EXD3: variants seen among roughly 807,000 people sequenced by gnomAD.
EXD3 encodes the protein exonuclease 3'-5' domain containing 3, also known as exonuclease mut-7 homolog.
Under a neutral mutation model 98.0 loss-of-function variants are expected in EXD3, and 92 were observed. That is an observed-to-expected ratio of 0.94 (90% CI 0.79 to 1.12). EXD3 has a LOEUF of 1.12. EXD3 is among the 50% of genes most tolerant of loss of function. EXD3 has a pLI of 0.00. For missense variants in EXD3, 1,222 were observed against 1,191.6 expected, an observed-to-expected ratio of 1.03 and a Z score of -0.38; for synonymous variants, 569 against 526.0, an observed-to-expected ratio of 1.08 and a Z score of -1.12.
At position 137,351,091 on chromosome 9, in the gene EXD3, G is replaced by T; in HGVS notation, c.1441C>A (p.His481Asn). Reference sequence around the variant, plus strand: ...CCGCCCAGAATCTGCTTCTCCACATGGGCCAGGGCGGGGCAGGACGTGCCC... The same window carrying T: ...CCGCCCAGAATCTGCTTCTCCACATTGGCCAGGGCGGGGCAGGACGTGCCC... ...KLGTSCPALA[H>N]VEKQILGGMD... The change falls in exon 14 of 22, where the codon CAT becomes AAT. Residue 481 changes from histidine (H) to asparagine (N), a missense_variant. Physicochemically the swap from His to Asn is moderately conservative, Grantham distance 68. Coordinates refer to ENST00000340951, the MANE Select transcript of EXD3 (RefSeq NM_017820.5). The T allele has an allele frequency of 6.3e-7, 1 of 1,583,204 alleles. No homozygotes were observed. The highest frequency in any genetic ancestry group is 2.3e-5 in the East Asian group (1 of 43,212).
At chr9:137,386,076 G>A (rs1280190003) in intron 2 of EXD3, among the ~76,000 whole-genome samples, 1 of 151,964 alleles carries the variant, frequency 6.6e-6, no homozygotes, top group Non-Finnish European at 1.5e-5. Flanking sequence ...TGGGTGGGTC[G>A]CTTGAGCCCT....
chr9:137,357,714 A>G (rs1834864568), intron 7 of EXD3, among the ~76,000 whole-genome samples: 1 of 140,228 alleles, frequency 7.1e-6, no homozygotes, highest in Non-Finnish European at 1.5e-5. Flanking sequence ...ATATACATAT[A>G]TATATTATAT....
chr9:137,337,890 C>T (rs1486748253), intron 17 of EXD3, among the ~76,000 whole-genome samples: 1 of 151,896 alleles, frequency 6.6e-6, no homozygotes, highest in Non-Finnish European at 1.5e-5. Flanking sequence ...CGGGTTCATG[C>T]CATTCTCCTG....
chr9:137,324,016 T>C lies in EXD3; in HGVS notation c.2052+74A>G. 1 of 1,537,700 alleles carries C rather than the reference T, an allele frequency of 6.5e-7. No homozygotes were observed. The highest frequency in any genetic ancestry group is 8.8e-7 in the Non-Finnish European group (1 of 1,136,230). ...GCCCCACGGCAAGCTGACCCTGAGG[T>C]GGGGGTGGCCGAGGGGCTGGGGGCT... On this transcript the variant is annotated intron_variant, in intron 18 of 21. Coordinates refer to ENST00000340951, the MANE Select transcript of EXD3 (RefSeq NM_017820.5). The surrounding 1 kb of genome is among the most constrained non-coding windows in gnomAD (Gnocchi z 4.1).
At chr9:137,409,238 G>C (rs1481147000) in intron 1 of EXD3, among the ~76,000 whole-genome samples, 3 of 152,204 alleles carry the variant, frequency 2.0e-5, no homozygotes, top group African/African-American at 7.2e-5. Context: ...CCTCACCATG[G>C]CTGCCCCGAG....
intron 8 of EXD3, among the ~76,000 whole-genome samples, chr9:137,355,880 G>C (rs1834755681): frequency 1.3e-5 from 2 of 152,166 alleles, no homozygotes; most frequent in African/African-American, 4.8e-5. Flanking sequence ...AAGGGGACCT[G>C]GCTTCCCTTG....
At chr9:137,340,342 C>T (rs36117568) in intron 17 of EXD3, among the ~76,000 whole-genome samples, 2,044 of 151,866 alleles carry the variant, frequency 0.013, 20 homozygotes, top group Non-Finnish European at 0.019. Flanking sequence ...CTGGGTGTGG[C>T]GGTGCGTGCC....
At position 137,323,743 on chromosome 9, in the gene EXD3, G is replaced by A. The variant is rs1389099004; in HGVS notation, c.2166C>T (p.Asp722=). Residue 722 remains aspartate, a synonymous_variant, in exon 19 of 22, where the codon GAC becomes GAT. Coordinates refer to ENST00000340951, the MANE Select transcript of EXD3 (RefSeq NM_017820.5). ...KHFNVRVTHA[D]IFSRCQACNC... ...GACCCACCTGGCAGCGGCTGAAGAT[G>A]TCTGCGTGGGTGACACGCACGTTGA... 6.2e-7 allele frequency: 1 copy of A among 1,612,288 alleles called. No individual in the cohort carries two copies. The highest frequency in any genetic ancestry group is 8.5e-7 in the Non-Finnish European group (1 of 1,179,678).
chr9:137,344,333 G>A (rs1458615558), intron 17 of EXD3, among the ~76,000 whole-genome samples: 1 of 152,070 alleles, frequency 6.6e-6, no homozygotes, highest in Non-Finnish European at 1.5e-5. Flanking sequence ...CACCAAAATT[G>A]GTCAGTTGGG....
chr9:137,330,564 TCCAC>T (rs1406548396), intron 17 of EXD3, among the ~76,000 whole-genome samples: 47 of 125,598 alleles, frequency 3.7e-4, no homozygotes, highest in South Asian at 1.1e-3. Context: ...TACACAGGGC[TCCAC>T]AGGAGCTACA....
rs945326315 is a variant in EXD3, at chr9:137,349,663, A to G, written c.1495-132T>C. ...CCTCCACCAGCGGCCCCCACAGCAGAGACGGGGAGAAGGAGCGGACACATC... is the reference window on the plus strand; with the variant it reads ...CCTCCACCAGCGGCCCCCACAGCAGGGACGGGGAGAAGGAGCGGACACATC... On this transcript the variant is annotated intron_variant, in intron 14 of 21. Transcript: ENST00000340951. This position sits in a 1 kb window ranked among gnomAD's most constrained non-coding sequence, Gnocchi z 7.4. The G allele has an allele frequency of 4.1e-6, 4 of 982,316 alleles. No homozygotes were observed. The highest frequency in any genetic ancestry group is 5.7e-6 in the Non-Finnish European group (4 of 704,300). 60.8% of individuals were successfully genotyped at this position (982,316 alleles called of 1,614,324 possible). A position where few individuals can be genotyped will look rare whatever the true frequency, so the allele number is the denominator to read the frequency against.
chr9:137,420,485 A>T (rs1423452933), intron 1 of EXD3, among the ~76,000 whole-genome samples: 1 of 152,200 alleles, frequency 6.6e-6, no homozygotes, highest in Non-Finnish European at 1.5e-5. Context: ...TTGTAACAGG[A>T]CACAATTGGA....
At chr9:137,388,010 C>T (rs899933169) in intron 2 of EXD3, among the ~76,000 whole-genome samples, 6 of 152,210 alleles carry the variant, frequency 3.9e-5, no homozygotes, top group Admixed American at 6.5e-5. Flanking sequence ...GGACCCTGCC[C>T]CTTGGAACCA....
At chr9:137,410,115 G>A (rs1486987371) in intron 1 of EXD3, among the ~76,000 whole-genome samples, 1 of 152,122 alleles carries the variant, frequency 6.6e-6, no homozygotes, top group African/African-American at 2.4e-5. Context: ...GATGAAGGTT[G>A]CAGTGAGCCG....
rs1834113768 is a variant in EXD3 at position 137,349,173 on chromosome 9, C to G, written c.1767G>C (p.Glu589Asp). Residue 589 changes from glutamate (E) to aspartate (D), a missense_variant, in exon 16 of 22, where the codon GAG (glutamate) becomes GAC (aspartate). By Grantham distance (45) the Glu-to-Asp change is conservative. Transcript: ENST00000340951. This position sits in a 1 kb window ranked among gnomAD's most constrained non-coding sequence, Gnocchi z 7.4. ...CGGGTGGCTTCCGTGCCCCTGGTCTCTCTCTGTGCCTGGGCCTCCGGCTCC... is the reference window on the plus strand; with the variant it reads ...CGGGTGGCTTCCGTGCCCCTGGTCTGTCTCTGTGCCTGGGCCTCCGGCTCC... ...LAGSRRPRHR[E>D]RPGARKPPGL... 15 of 1,593,280 alleles carry G rather than the reference C, an allele frequency of 9.4e-6. No individual in the cohort carries two copies. The highest frequency in any genetic ancestry group is 1.1e-5 in the South Asian group (1 of 89,434).
chr9:137,349,067 C>T lies in EXD3; in HGVS notation c.1830+43G>A. The T allele has an allele frequency of 6.5e-7, 1 of 1,542,028 alleles. No homozygotes were observed. The highest frequency in any genetic ancestry group is 2.3e-5 in the East Asian group (1 of 44,090). Reference sequence around the variant, plus strand: ...TTGGTTTATGGACAGGGATCTCCTTCCCCAAGAATGCTGACAAACGGACCC... The same window carrying T: ...TTGGTTTATGGACAGGGATCTCCTTTCCCAAGAATGCTGACAAACGGACCC... On this transcript the variant is annotated intron_variant, in intron 16 of 21. Transcript: ENST00000340951. The surrounding 1 kb of genome is among the most constrained non-coding windows in gnomAD (Gnocchi z 7.4).
At chr9:137,384,983 T>G (rs1481305513) in intron 2 of EXD3, among the ~76,000 whole-genome samples, 1 of 151,876 alleles carries the variant, frequency 6.6e-6, no homozygotes, top group East Asian at 1.9e-4. Flanking sequence ...TCCCAGCTAC[T>G]CGGGAGGCTG....
rs576977941 is a variant in EXD3, at chr9:137,394,851, T to G, written c.55+452A>C. ...CCTCAGTTTAAAAAACTAGGGACCC[T>G]GGAGGCCACCCTGGAACCGCCCGAG... On this transcript the variant is annotated intron_variant, in intron 2 of 21. Coordinates refer to ENST00000340951, the MANE Select transcript of EXD3 (RefSeq NM_017820.5). 1.5e-4 allele frequency among the ~76,000 whole-genome samples: 23 copies of G among 152,302 alleles called. No homozygotes were observed. In the South Asian group the frequency reaches 4.3e-3, roughly 29 times the overall value.
At chr9:137,412,172 G>A (rs538625424) in intron 1 of EXD3, among the ~76,000 whole-genome samples, 2 of 152,344 alleles carry the variant, frequency 1.3e-5, no homozygotes, top group South Asian at 2.1e-4. Flanking sequence ...GACCCAGAGC[G>A]AGTGGGCGGG....
Sources: allele counts gnomAD v4.1 joint callset (sites outside exome capture counted in the v4.1 genomes callset), GRCh38; gene constraint gnomAD v4.1.1; non-coding constraint Gnocchi (gnomAD v3.1); transcripts MANE v1.5; gene names NCBI Gene and HGNC (gene_info 2026-07-23, HGNC 2026-07-21).